Variants in FRMD3 observed in about 807,000 individuals in gnomAD.
FRMD3 encodes FERM domain-containing protein 3.
Under a neutral mutation model 70.2 loss-of-function variants are expected in FRMD3, and 33 were observed. The observed-to-expected ratio is 0.47, with a 90% CI of 0.36 to 0.63. FRMD3 has a LOEUF of 0.63. Among genes scored for constraint, FRMD3 ranks in the 20% least tolerant of loss-of-function variants. The pLI is 0.00. For synonymous variants in FRMD3, 279 were observed against 255.9 expected, an observed-to-expected ratio of 1.09 and a Z score of -0.86; for missense variants, 632 against 711.4, an observed-to-expected ratio of 0.89 and a Z score of 1.27.
intron 1 of FRMD3, among the ~76,000 whole-genome samples, chr9:83,422,929 T>A (rs1826685999): frequency 6.6e-6 from 1 of 152,212 alleles, no homozygotes; most frequent in Admixed American, 6.5e-5. Flanking sequence ...GGAGGATTGC[T>A]TAGGCCACCA....
At chr9:83,571,699 GTTCA>G in the FRMD3 span, among the ~76,000 whole-genome samples, 2 of 152,330 alleles carry the variant, frequency 1.3e-5, no homozygotes, top group East Asian at 3.9e-4. Flanking sequence ...GTACCACAGA[GTTCA>G]TTCTAGCCTT....
intron 3 of FRMD3, among the ~76,000 whole-genome samples, chr9:83,362,470 T>A (rs1326710032): frequency 6.6e-6 from 1 of 152,130 alleles, no homozygotes; most frequent in Admixed American, 6.5e-5. Context: ...ATGCATGTGT[T>A]ATGCAGAGGC....
intron 5 of FRMD3, among the ~76,000 whole-genome samples, chr9:83,339,781 G>T (rs956218360): frequency 6.6e-6 from 1 of 152,084 alleles, no homozygotes; most frequent in Non-Finnish European, 1.5e-5. Context: ...ATTGCCATGT[G>T]GCCCCCTAGC....
chr9:83,450,425 G>A (rs1485753469), intron 1 of FRMD3, among the ~76,000 whole-genome samples: 1 of 140,056 alleles, frequency 7.1e-6, no homozygotes, highest in Non-Finnish European at 1.5e-5. Flanking sequence ...AGTTACATAT[G>A]TATACATGTG....
the FRMD3 span, among the ~76,000 whole-genome samples, chr9:83,556,901 A>G: frequency 6.6e-6 from 1 of 152,070 alleles, no homozygotes; most frequent in Non-Finnish European, 1.5e-5. Flanking sequence ...TTGTCTCTGA[A>G]TATTTTATTC....
chr9:83,427,088 A>C (rs961073807), intron 1 of FRMD3, among the ~76,000 whole-genome samples: 5 of 152,228 alleles, frequency 3.3e-5, no homozygotes, highest in Non-Finnish European at 5.9e-5. Flanking sequence ...GGGTTTCTTA[A>C]AGGCACCTAA....
chr9:83,389,532 G>A, intron 2 of FRMD3, 72 bp downstream of exon 2: 1 of 979,060 alleles, frequency 1.0e-6, no homozygotes, highest in Middle Eastern at 2.3e-4. Context: ...AGGGCTTTGA[G>A]AGGAACCCCC....
the FRMD3 span, among the ~76,000 whole-genome samples, chr9:83,558,254 G>A: frequency 1.2e-4 from 16 of 128,108 alleles, no homozygotes; most frequent in Non-Finnish European, 1.0e-4. Context: ...TGTGTAAAAC[G>A]CATGCACGTG....
chr9:83,446,139 A>C (rs1827452786), intron 1 of FRMD3, among the ~76,000 whole-genome samples: 1 of 152,184 alleles, frequency 6.6e-6, no homozygotes, highest in Non-Finnish European at 1.5e-5. Context: ...CACTAGGGCC[A>C]ATCTGAGCCG....
At chr9:83,352,884 G>A (rs1272729471) in intron 3 of FRMD3, among the ~76,000 whole-genome samples, 2 of 152,090 alleles carry the variant, frequency 1.3e-5, no homozygotes, top group Non-Finnish European at 2.9e-5. Flanking sequence ...ATCTGCTGTT[G>A]CTGAGTCACA....
In FRMD3 at chr9:83,294,293, C is replaced by T. The variant is rs531260200; in HGVS notation, c.1071-3566G>A. 2.1e-4 allele frequency among the ~76,000 whole-genome samples: 32 copies of T among 152,282 alleles called. 1 individual carries two copies. The highest frequency in any genetic ancestry group is 5.8e-4 in the African/African-American group (24 of 41,562). The stretch of plus-strand genomic sequence containing the variant: ...TGCTGGTGTCTTGATCTTGGACTTC[C>T]CAGCTTCTAAAACTGTGAGAAATAA... On this transcript the variant is annotated intron_variant, in intron 12 of 13. Coordinates refer to ENST00000304195, the MANE Select transcript of FRMD3 (RefSeq NM_174938.6).
At chr9:83,564,798 G>C in the FRMD3 span, among the ~76,000 whole-genome samples, 1 of 152,200 alleles carries the variant, frequency 6.6e-6, no homozygotes, top group Non-Finnish European at 1.5e-5. Context: ...GCCAAGGCAG[G>C]AGGTGAGGAA....
chr9:83,566,932 G>A, the FRMD3 span, among the ~76,000 whole-genome samples: 2 of 152,224 alleles, frequency 1.3e-5, no homozygotes, highest in Non-Finnish European at 2.9e-5. Context: ...CTGGGGTCTG[G>A]AGGACGGTGG....
chr9:83,306,772 T>G (rs1034038369), intron 10 of FRMD3, among the ~76,000 whole-genome samples: 1 of 152,200 alleles, frequency 6.6e-6, no homozygotes, highest in Non-Finnish European at 1.5e-5. Flanking sequence ...ATTACAGATC[T>G]GACATGTTGG....
chr9:83,581,778 G>A, the FRMD3 span, among the ~76,000 whole-genome samples: 1 of 152,086 alleles, frequency 6.6e-6, no homozygotes, highest in African/African-American at 2.4e-5. Flanking sequence ...ATATTATTTT[G>A]CAATAAAAAA....
At position 83,445,379 on chromosome 9, in the gene FRMD3, T is replaced by TAGAC. The variant is rs150063251; in HGVS notation, c.148-55675_148-55672dup. ...ATAGATAGATAGATAGATAGATAGA[T>TAGAC]AGACAGATAGATAAGATACTGCTGG... On this transcript the variant is annotated intron_variant, in intron 1 of 13. Transcript: ENST00000304195. Among the ~76,000 whole-genome samples the TAGAC allele has an allele frequency of 7.4e-3, 1,119 of 150,942 alleles. 4 individuals carry two copies. The highest frequency in any genetic ancestry group is 0.015 in the African/African-American group (621 of 40,848).
intron 1 of FRMD3, among the ~76,000 whole-genome samples, chr9:83,439,249 CAG>C (rs1405732614): frequency 6.6e-6 from 1 of 152,216 alleles, no homozygotes; most frequent in Non-Finnish European, 1.5e-5. Context: ...ATACAGGCTC[CAG>C]AGAGAGTTAG....
intron 1 of FRMD3, among the ~76,000 whole-genome samples, chr9:83,440,582 G>T (rs979179043): frequency 1.3e-5 from 2 of 151,984 alleles, no homozygotes; most frequent in African/African-American, 4.8e-5. Flanking sequence ...CAGGACGAGG[G>T]GCAACATTAC....
intron 6 of FRMD3, among the ~76,000 whole-genome samples, chr9:83,325,473 T>C (rs1438086142): frequency 6.6e-6 from 1 of 152,046 alleles, no homozygotes; most frequent in Non-Finnish European, 1.5e-5. Context: ...TACAGGAGCA[T>C]GCCACTACAT....
Sources: gnomAD v4.1 joint callset for allele counts (sites outside exome capture counted in the v4.1 genomes callset) on GRCh38, gnomAD v4.1.1 for gene constraint, MANE v1.5 for transcripts, NCBI Gene and HGNC (gene_info 2026-07-23, HGNC 2026-07-21) for gene names.